The following NLRC5 variants were observed in gnomAD, a reference collection of about 807,000 sequenced individuals.
NLRC5 encodes protein NLRC5.
Under a neutral mutation model 206.9 loss-of-function variants are expected in NLRC5, and 114 were observed. The observed-to-expected ratio is 0.55, with a 90% CI of 0.47 to 0.64. The LOEUF (loss-of-function observed/expected upper bound fraction) is 0.64. Ranked by LOEUF, NLRC5 falls within the 30% of genes least tolerant of loss-of-function variation. The pLI is 0.00. For synonymous variants in NLRC5, 952 were observed against 962.8 expected (o/e 0.99, Z 0.21); for missense variants, 2,008 against 2,305.5 (o/e 0.87, Z 2.64).
chr16:57,023,560 C>T (rs1380930139), intron 4 of NLRC5, among the ~76,000 whole-genome samples: 2 of 152,118 alleles, frequency 1.3e-5, no homozygotes, highest in African/African-American at 4.8e-5. Flanking sequence ...GACTGCCAGG[C>T]CCAGAACATC....
intron 42 of NLRC5, 51 bp from the exon 43 acceptor site, chr16:57,077,892 G>A (rs764527279): frequency 1.3e-5 from 21 of 1,608,138 alleles, no homozygotes; most frequent in Non-Finnish European, 1.7e-5. Context: ...CAGGGCGGGG[G>A]TCCCGAGTGG....
intron 39 of NLRC5, 52 bp downstream of exon 39, chr16:57,074,735 T>C: frequency 6.5e-7 from 1 of 1,542,250 alleles, no homozygotes; most frequent in Admixed American, 1.7e-5. Flanking sequence ...CACTTCCCAC[T>C]CAGTTGGGAC....
At position 57,034,184 on chromosome 16, in the gene NLRC5, C is replaced by T; in HGVS notation, c.2560C>T (p.Leu854Phe). The change falls in exon 13 of 49, where the codon CTC becomes TTC. Residue 854 changes from leucine to phenylalanine, a missense_variant. Leu to Phe is a conservative substitution (Grantham distance 22). Coordinates refer to ENST00000688547, the MANE Select transcript of NLRC5 (RefSeq NM_001384950.1). The stretch of plus-strand genomic sequence containing the variant: ...CTACCCAAGGCTGCAGAAGTGTCAG[C>T]TCCAGGTCCACGATGCGGAGGCCCT... ...SLTLRLQKCQ[L>F]QVHDAEALIA... 1 of 1,614,086 alleles carries T rather than the reference C, an allele frequency of 6.2e-7. No homozygotes were observed. The highest frequency in any genetic ancestry group is 8.5e-7 in the Non-Finnish European group (1 of 1,179,966).
At position 57,065,317 on chromosome 16, in the gene NLRC5, C is replaced by T. The variant is rs939018948; in HGVS notation, c.4241+19C>T. ...AAATCAGGTGAGTCCAGAGAAGAGG[C>T]CCCTTTGGAATTCTTCATCTTTCAT... On this transcript the variant is annotated intron_variant, in intron 33 of 48. Coordinates refer to ENST00000688547, the MANE Select transcript of NLRC5 (RefSeq NM_001384950.1). The T allele has an allele frequency of 2.6e-6, 4 of 1,514,150 alleles. No homozygotes were observed. Among genetic ancestry groups the T allele is most frequent in the Non-Finnish European group, 2.7e-6 (3 of 1,116,518 alleles). 93.8% of individuals were successfully genotyped at this position (1,514,150 alleles called of 1,614,324 possible).
Position 57,082,465 on chromosome 16 carries a change from C to T in NLRC5, c.5538C>T (p.Ser1846=). The change falls in exon 49 of 49, where the codon AGC becomes AGT. Residue 1846 remains serine, a synonymous_variant. Transcript: ENST00000688547. ...IPCDMAQHLK[S]QEPRLDFAFF... The stretch of plus-strand genomic sequence containing the variant: ...GCGACATGGCCCAGCACCTGAAGAG[C>T]CAGGAGCCCAGGCTGGACTTTGCCT... 6.2e-7 allele frequency: 1 copy of T among 1,613,778 alleles called. No individual in the cohort carries two copies. Among genetic ancestry groups the T allele is most frequent in the Non-Finnish European group, 8.5e-7 (1 of 1,179,816 alleles).
chr16:57,033,058 C>T (rs1443166338), intron 11 of NLRC5, among the ~76,000 whole-genome samples: 1 of 151,924 alleles, frequency 6.6e-6, no homozygotes, highest in Non-Finnish European at 1.5e-5. Context: ...TCATGATGTC[C>T]TAGCTTCCCT....
rs1300512817 is a variant in NLRC5, at chr16:57,034,250, G to A, written c.2626G>A (p.Asp876Asn). ...GGAAGGCCCTCACCTGGAGGAAGTG[G>A]AGTGAGTATCACGGGAAGCCCTGGC... ...LQEGPHLEEVDLSGNQLEDEG... is the reference protein window; with the variant it reads ...LQEGPHLEEVNLSGNQLEDEG... The change falls in exon 13 of 49, where the codon GAC (aspartate) becomes AAC (asparagine). Residue 876 changes from aspartate (D) to asparagine (N), a missense_variant and splice_region_variant. Physicochemically the swap from Asp to Asn is conservative, Grantham distance 23. Transcript: ENST00000688547. 1 of 1,605,784 alleles carries A rather than the reference G, an allele frequency of 6.2e-7. No individual in the cohort carries two copies. The highest frequency in any genetic ancestry group is 1.7e-5 in the Admixed American group (1 of 59,804).
chr16:57,015,823 G>C (rs1362142352), intron 1 of NLRC5, among the ~76,000 whole-genome samples: 5 of 150,744 alleles, frequency 3.3e-5, no homozygotes, highest in African/African-American at 1.2e-4. Context: ...CTACTTGGGA[G>C]GCTGAGGCAA....
intron 1 of NLRC5, among the ~76,000 whole-genome samples, chr16:57,008,440 G>C (rs562074756): frequency 6.6e-6 from 1 of 151,946 alleles, no homozygotes; most frequent in Non-Finnish European, 1.5e-5. Flanking sequence ...ACTTTATTTT[G>C]ATATAATTGT....
Position 57,026,123 on chromosome 16 carries a change from C to G in NLRC5, c.1180C>G (p.Gln394Glu), listed in dbSNP as rs562351862. The G allele has an allele frequency of 3.1e-6, 5 of 1,614,118 alleles. No homozygotes were observed. In the South Asian group the frequency reaches 5.5e-5, roughly 18 times the overall value. Reference protein sequence around the residue: ...PSREGALVELQTNGRLRSLCA... With the variant: ...PSREGALVELETNGRLRSLCA... ...GCGGGAGGGGGCCCTGGTGGAGTTACAGACAAATGGACGTCTCCGAAGCCT... is the reference window on the plus strand; with the variant it reads ...GCGGGAGGGGGCCCTGGTGGAGTTAGAGACAAATGGACGTCTCCGAAGCCT... The change falls in exon 6 of 49, where the codon CAG (glutamine) becomes GAG (glutamate). Residue 394 changes from glutamine to glutamate, a missense_variant. Gln to Glu is a conservative substitution (Grantham distance 29). Coordinates refer to ENST00000688547, the MANE Select transcript of NLRC5 (RefSeq NM_001384950.1).
chr16:57,019,894 A>G (rs1364070698), intron 2 of NLRC5, among the ~76,000 whole-genome samples: 1 of 152,208 alleles, frequency 6.6e-6, no homozygotes, highest in Non-Finnish European at 1.5e-5. Context: ...GACTGAGAGC[A>G]GCATAAATGG....
intron 24 of NLRC5, among the ~76,000 whole-genome samples, 159 bp downstream of exon 24, chr16:57,051,780 A>C (rs1308258060): frequency 7.6e-6 from 1 of 132,002 alleles, no homozygotes; most frequent in Non-Finnish European, 1.5e-5. Flanking sequence ...TTGTTTTATC[A>C]TTTTACCTGG....
intron 1 of NLRC5, among the ~76,000 whole-genome samples, chr16:57,003,691 G>C (rs1259632035): frequency 1.3e-5 from 2 of 151,820 alleles, no homozygotes; most frequent in African/African-American, 4.8e-5. Flanking sequence ...TCACGCTCCA[G>C]TTCTCCCATG....
chr16:57,057,401 G>A (rs1211579767), intron 27 of NLRC5, among the ~76,000 whole-genome samples: 2 of 152,234 alleles, frequency 1.3e-5, no homozygotes, highest in African/African-American at 4.8e-5. Flanking sequence ...TCCAGCCTGG[G>A]CAACAGAGCA....
intron 1 of NLRC5, chr16:57,013,665 T>C: frequency 1.1e-6 from 1 of 905,088 alleles, no homozygotes; most frequent in Non-Finnish European, 1.9e-6. Flanking sequence ...ATTTGAATCT[T>C]GTATGATGAA....
At position 57,022,258 on chromosome 16, in the gene NLRC5, T is replaced by C. The variant is rs755319158; in HGVS notation, c.298T>C (p.Phe100Leu). Reference sequence around the variant, plus strand: ...TTATACTCTCCCCTCTCTTGCAGGGTTCACCAGCCAGCTGGGAGCTGAGGG... The same window carrying C: ...TTATACTCTCCCCTCTCTTGCAGGGCTCACCAGCCAGCTGGGAGCTGAGGG... ...LLSTFGYDDG[F>L]TSQLGAEGKS... The change falls in exon 4 of 49, where the codon TTC becomes CTC. Residue 100 changes from phenylalanine to leucine, a missense_variant and splice_region_variant. Phe to Leu is a conservative substitution (Grantham distance 22). Transcript: ENST00000688547. 2 of 1,611,624 alleles carry C rather than the reference T, an allele frequency of 1.2e-6. No homozygotes were observed. The highest frequency in any genetic ancestry group is 1.7e-6 in the Non-Finnish European group (2 of 1,177,970).
At chr16:57,048,216 A>C (rs775312008) in intron 23 of NLRC5, 2 of 152,738 alleles carry the variant, frequency 1.3e-5, no homozygotes, top group Non-Finnish European at 2.9e-5. Context: ...GAAATCCAAG[A>C]CAAAACCTGC....
chr16:57,029,717 G>A (rs1218089573), intron 8 of NLRC5, 56 bp from the exon 9 acceptor site: 1 of 1,477,380 alleles, frequency 6.8e-7, no homozygotes, highest in South Asian at 1.2e-5. Flanking sequence ...TGCTAACTGG[G>A]GCTTGCAAGT....
chr16:57,042,145 G>T, intron 19 of NLRC5, 80 bp downstream of exon 19: 28 of 922,608 alleles, frequency 3.0e-5, no homozygotes, highest in Non-Finnish European at 4.3e-5. Context: ...CTTTCCTGGG[G>T]TTATTGTAAA....
Sources: gnomAD v4.1 joint callset for allele counts (sites outside exome capture counted in the v4.1 genomes callset) on GRCh38, gnomAD v4.1.1 for gene constraint, MANE v1.5 for transcripts, NCBI Gene and HGNC (gene_info 2026-07-23, HGNC 2026-07-21) for gene names.